CHEK1: variants seen among roughly 807,000 people sequenced by gnomAD.
CHEK1 encodes checkpoint kinase 1.
In CHEK1, 32 loss-of-function variants were observed where a neutral mutation model predicts 60.2. The ratio of observed to expected loss-of-function variants is 0.53; its 90% confidence interval spans 0.40 to 0.71. The LOEUF (loss-of-function observed/expected upper bound fraction) is 0.71, where lower values mean the gene tolerates loss of function less well. Ranked by LOEUF, CHEK1 falls within the 30% of genes least tolerant of loss-of-function variation. The pLI is 0.00. For synonymous variants in CHEK1, 179 were observed against 187.2 expected, an observed-to-expected ratio of 0.96 and a Z score of 0.36; for missense variants, 399 against 564.6, an observed-to-expected ratio of 0.71 and a Z score of 2.97.
chr11:125,644,012 G>T, intron 9 of CHEK1, 79 bp from the exon 10 acceptor site: 1 of 1,541,286 alleles, frequency 6.5e-7, no homozygotes, highest in Non-Finnish European at 8.9e-7. Context: ...GTAAGCATGA[G>T]AACTTGTGTG....
intron 13 of CHEK1, among the ~76,000 whole-genome samples, chr11:125,669,685 G>A (rs1458381762): frequency 6.6e-6 from 1 of 151,586 alleles, no homozygotes; most frequent in Non-Finnish European, 1.5e-5. Flanking sequence ...CACCACGCCT[G>A]GCTAATTTTT....
chr11:125,653,952 G>T lies in CHEK1; in HGVS notation c.1335+105G>T. 1 of 597,742 alleles carries T rather than the reference G, an allele frequency of 1.7e-6. No homozygotes were observed. Among genetic ancestry groups the T allele is most frequent in the Non-Finnish European group, 2.9e-6 (1 of 350,814 alleles). 37.0% of individuals were successfully genotyped at this position (597,742 alleles called of 1,614,324 possible). A position where few individuals can be genotyped will look rare whatever the true frequency, so the allele number is the denominator to read the frequency against. Reference sequence around the variant, plus strand: ...TGTGGCATTTGTAAATAGGTTACTTGCTTTTTTCGTTTAATATTATGAGCA... The same window carrying T: ...TGTGGCATTTGTAAATAGGTTACTTTCTTTTTTCGTTTAATATTATGAGCA... On this transcript the variant is annotated intron_variant, in intron 12 of 12. Coordinates refer to ENST00000438015, the MANE Select transcript of CHEK1 (RefSeq NM_001114122.3). This position sits in a 1 kb window ranked among gnomAD's most constrained non-coding sequence, Gnocchi z 4.3.
At chr11:125,673,303 C>G (rs181165805) in intron 13 of CHEK1, among the ~76,000 whole-genome samples, 18 of 151,704 alleles carry the variant, frequency 1.2e-4, no homozygotes, top group African/African-American at 4.4e-4. Context: ...CTCCCAGGTT[C>G]AAGCGATTGT....
In CHEK1 at chr11:125,625,917, G is replaced by A. The variant is rs1453731906; in HGVS notation, c.-116G>A. The A allele has an allele frequency of 2.8e-6, 2 of 702,650 alleles. No individual in the cohort carries two copies. The highest frequency in any genetic ancestry group is 5.2e-6 in the Non-Finnish European group (2 of 385,008). The allele number at this position is 702,650 out of a possible 1,614,324, so 43.5% of individuals were successfully genotyped here. ...AACGCGCGCTGTCTTGCTTTACGGC[G>A]CGGGTGCGCGAGTTTGCGGCAGCGT... is the stretch of plus-strand genomic sequence containing the variant. On this transcript the variant is annotated 5_prime_UTR_variant, in exon 1 of 13. Transcript: ENST00000438015.
downstream of CHEK1, chr11:125,680,723 ACT>A (rs1309510959): frequency 1.2e-6 from 2 of 1,612,942 alleles, no homozygotes; most frequent in Non-Finnish European, 1.7e-6. Flanking sequence ...TAGATCAAAC[ACT>A]CACCTCTGGC....
Position 125,673,391 on chromosome 11 carries a change from C to T in CHEK1, c.*28-2537C>T, listed in dbSNP as rs542394752. 3.8e-3 allele frequency among the ~76,000 whole-genome samples: 575 copies of T among 151,892 alleles called. 4 individuals carry two copies. The highest frequency in any genetic ancestry group is 0.02 in the Middle Eastern group (6 of 294). On this transcript the variant is annotated intron_variant, in intron 13 of 13. Transcript: ENST00000428830. ...CTAATTTTTGTAATTTTATTAGAGA[C>T]GGGGTTTCACCATGTTGGTCAGGCT...
chr11:125,653,178 GTA>G lies in CHEK1; in HGVS notation c.1234-560_1234-559del, dbSNP rs1941795734. Among the ~76,000 whole-genome samples the G allele has an allele frequency of 6.6e-6, 1 of 152,064 alleles. No homozygotes were observed. The highest frequency in any genetic ancestry group is 2.4e-5 in the African/African-American group (1 of 41,386). The stretch of plus-strand genomic sequence containing the variant: ...ATATGGCTGAGTAGTATTTCATTGT[GTA>G]TATATATCATATTATCCTCATCTGT... On this transcript the variant is annotated intron_variant, in intron 11 of 12. Coordinates refer to ENST00000438015, the MANE Select transcript of CHEK1 (RefSeq NM_001114122.3). The surrounding 1 kb of genome is among the most constrained non-coding windows in gnomAD (Gnocchi z 4.3).
At chr11:125,659,153 A>G (rs1348898243), downstream of CHEK1, among the ~76,000 whole-genome samples, 1 of 152,186 alleles carries the variant, frequency 6.6e-6, no homozygotes, top group African/African-American at 2.4e-5. Context: ...TTGATATCCA[A>G]TCAAGTACTC....
intron 13 of CHEK1, chr11:125,672,456 G>A: frequency 1.0e-6 from 1 of 977,542 alleles, no homozygotes; most frequent in Non-Finnish European, 1.5e-6. Context: ...AAGATAGGAT[G>A]TTTGAGCATC....
chr11:125,651,981 T>G (rs917550244), intron 11 of CHEK1, among the ~76,000 whole-genome samples: 1 of 152,238 alleles, frequency 6.6e-6, no homozygotes, highest in Non-Finnish European at 1.5e-5. Flanking sequence ...TTCTTTGTCT[T>G]TGAAGTTTAA....
downstream of CHEK1, among the ~76,000 whole-genome samples, chr11:125,679,219 T>TTTTTTTTTTC (rs1942680677): frequency 7.1e-6 from 1 of 141,328 alleles, no homozygotes; most frequent in African/African-American, 2.6e-5. Flanking sequence ...TCTCTTTCTT[T>TTTTTTTTTTC]TTTTTTTTTT....
intron 13 of CHEK1, among the ~76,000 whole-genome samples, chr11:125,667,075 G>C (rs1302154031): frequency 6.6e-6 from 1 of 151,814 alleles, no homozygotes; most frequent in East Asian, 1.9e-4. Flanking sequence ...ACGATGCTGA[G>C]GCTTGGGGTC....
In CHEK1 at chr11:125,625,703, A is replaced by G. The variant is rs956653884; in HGVS notation, c.-330A>G. On this transcript the variant is annotated 5_prime_UTR_variant, in exon 1 of 13. Coordinates refer to ENST00000438015, the MANE Select transcript of CHEK1 (RefSeq NM_001114122.3). ...CCCCAGCAGCGCTCGAGCACCGCCC[A>G]GTCGAGCCTCACACCGGATGCCACT... 1.1e-5 allele frequency: 7 copies of G among 638,994 alleles called. No individual in the cohort carries two copies. Among genetic ancestry groups the G allele is most frequent in the African/African-American group, 1.8e-5 (1 of 55,976 alleles). The allele number at this position is 638,994 out of a possible 1,614,324, so 39.6% of individuals were successfully genotyped here.
chr11:125,634,177 T>C (rs973686566), intron 6 of CHEK1, among the ~76,000 whole-genome samples: 2 of 151,852 alleles, frequency 1.3e-5, no homozygotes, highest in African/African-American at 4.8e-5. Flanking sequence ...GTATTTTGAG[T>C]AGAGACAGGG....
In CHEK1 at chr11:125,625,474, C is replaced by G. The variant is rs147779069; in HGVS notation, c.-559C>G. On this transcript the variant is annotated 5_prime_UTR_variant, in exon 1 of 13. Transcript: ENST00000438015. Reference sequence around the variant, plus strand: ...TCAGCAGCTGCTGCTGGTTTCTCGGCTCCAGCACCACGAGTACCGCACTCT... The same window carrying G: ...TCAGCAGCTGCTGCTGGTTTCTCGGGTCCAGCACCACGAGTACCGCACTCT... The G allele has an allele frequency of 2.7e-5, 10 of 364,334 alleles. No homozygotes were observed. In the East Asian group the frequency reaches 4.0e-4, roughly 15 times the overall value. 22.6% of individuals were successfully genotyped at this position (364,334 alleles called of 1,614,324 possible).
chr11:125,675,026 ATC>A (rs1942423297), intron 13 of CHEK1, among the ~76,000 whole-genome samples: 1 of 152,218 alleles, frequency 6.6e-6, no homozygotes, highest in Non-Finnish European at 1.5e-5. Flanking sequence ...CTAAATCAGT[ATC>A]TCTTTAATCT....
At chr11:125,680,480 A>G (rs912819142), downstream of CHEK1, among the ~76,000 whole-genome samples, 10 of 152,176 alleles carry the variant, frequency 6.6e-5, no homozygotes, top group Admixed American at 6.5e-4. Flanking sequence ...AGCATCAGGT[A>G]TAAATGTTGA....
Position 125,629,318 on chromosome 11 carries a change from C to T in CHEK1, c.354+22C>T, listed in dbSNP as rs201903974. The stretch of plus-strand genomic sequence containing the variant: ...GGTGGTAGGTATAGTTGTCTATTTC[C>T]CTTTTACTTAAAATTAGAGTGAATA... On this transcript the variant is annotated intron_variant, in intron 4 of 12. Transcript: ENST00000438015. 5.3e-5 allele frequency: 86 copies of T among 1,613,650 alleles called. 1 individual carries two copies. The East Asian group carries it at 1.9e-3, about 35-fold the overall frequency.
chr11:125,677,717 C>A, downstream of CHEK1: 1 of 1,563,334 alleles, frequency 6.4e-7, no homozygotes, highest in South Asian at 1.2e-5. Flanking sequence ...TGCACTCCTT[C>A]CCTAAAATTG....
Sources: gnomAD v4.1 joint callset for allele counts (sites outside exome capture counted in the v4.1 genomes callset) on GRCh38, gnomAD v4.1.1 for gene constraint, Gnocchi (gnomAD v3.1) non-coding constraint, MANE v1.5 for transcripts, NCBI Gene and HGNC (gene_info 2026-07-23, HGNC 2026-07-21) for gene names.